Variants in SMAGP observed in about 807,000 individuals in gnomAD.
SMAGP encodes small cell adhesion glycoprotein, also known as small cell transmembrane and glycosylated protein.
Under a neutral mutation model 10.1 loss-of-function variants are expected in SMAGP, and 7 were observed. That is an observed-to-expected ratio of 0.70 (90% CI 0.40 to 1.31). The LOEUF (loss-of-function observed/expected upper bound fraction) is 1.31, where lower values mean the gene tolerates loss of function less well. SMAGP is among the 50% of genes most tolerant of loss of function. The pLI is 0.01. For synonymous variants in SMAGP, 49 were observed against 47.2 expected (o/e 1.04, Z -0.16); for missense variants, 113 against 116.5 (o/e 0.97, Z 0.14).
At chr12:51,258,720 T>A (rs1944907072) in intron 2 of SMAGP, among the ~76,000 whole-genome samples, 1 of 152,108 alleles carries the variant, frequency 6.6e-6, no homozygotes, top group South Asian at 2.1e-4. Context: ...GTGATGCCAG[T>A]CTAGACAGAG....
chr12:51,256,925 A>G (rs558138485), intron 2 of SMAGP, among the ~76,000 whole-genome samples: 1 of 152,250 alleles, frequency 6.6e-6, no homozygotes, highest in East Asian at 1.9e-4. Flanking sequence ...ACTGGGGAGT[A>G]GCAGCCAAAC....
Position 51,246,914 on chromosome 12 carries a change from CCCCACCTTCTT to C in SMAGP, c.35-94_35-84del, listed in dbSNP as rs1256837802. On this transcript the variant is annotated intron_variant, in intron 2 of 3. Transcript: ENST00000603798. The stretch of plus-strand genomic sequence containing the variant: ...TATGTTTGGCCTTCAAATTTCACCA[CCCCACCTTCTT>C]CCCTATTCAAAAGTTTATCATTTAA... The C allele has an allele frequency of 5.2e-5, 49 of 941,044 alleles. 1 individual carries two copies. In the South Asian group the frequency reaches 8.7e-4, roughly 17 times the overall value. The allele number at this position is 941,044 out of a possible 1,614,324, so 58.3% of individuals were successfully genotyped here. A position where few individuals can be genotyped will look rare whatever the true frequency, so the allele number is the denominator to read the frequency against.
intron 2 of SMAGP, among the ~76,000 whole-genome samples, chr12:51,258,255 G>T (rs1944902644): frequency 6.6e-6 from 1 of 152,184 alleles, no homozygotes; most frequent in Non-Finnish European, 1.5e-5. Context: ...TGAAGGTGCT[G>T]CAAGAGTAAA....
intron 1 of SMAGP, chr12:51,269,864 C>G (rs949896753): frequency 6.6e-6 from 1 of 152,240 alleles, no homozygotes; most frequent in Non-Finnish European, 1.5e-5. Context: ...TGGCCGCCCC[C>G]TCCGGGCCTG....
intron 2 of SMAGP, among the ~76,000 whole-genome samples, chr12:51,265,905 A>T (rs1462652155): frequency 6.6e-6 from 1 of 152,072 alleles, no homozygotes; most frequent in African/African-American, 2.4e-5. Context: ...ACACGGTGAA[A>T]CCCCGTCTCT....
intron 1 of SMAGP, 89 bp downstream of exon 1, chr12:51,270,167 C>T (rs1945017918): frequency 2.0e-5 from 3 of 152,412 alleles, no homozygotes; most frequent in South Asian, 4.1e-4. Context: ...TCGGCCGCTC[C>T]GGGTTTCGGT....
chr12:51,259,834 C>T (rs1405828341), intron 2 of SMAGP, among the ~76,000 whole-genome samples: 5 of 152,144 alleles, frequency 3.3e-5, no homozygotes, highest in African/African-American at 4.8e-5. Context: ...CCACCTCAGC[C>T]TCCTGAGTAG....
chr12:51,269,496 G>A (rs894404409), intron 1 of SMAGP, 180 bp from the exon 2 acceptor site: 1 of 580,004 alleles, frequency 1.7e-6, no homozygotes, highest in African/African-American at 1.9e-5. Flanking sequence ...GCTCTCCACA[G>A]GAGCAGGTCT....
chr12:51,246,158 T>C, intron 3 of SMAGP, 39 bp from the exon 4 acceptor site: 1 of 1,608,750 alleles, frequency 6.2e-7, no homozygotes, highest in South Asian at 1.1e-5. Flanking sequence ...TGTTTCAGGA[T>C]TGAGGATGTC....
At chr12:51,262,396 C>A (rs1414745489) in intron 2 of SMAGP, among the ~76,000 whole-genome samples, 1 of 152,130 alleles carries the variant, frequency 6.6e-6, no homozygotes, top group East Asian at 1.9e-4. Context: ...GGGAGGATCA[C>A]CTGAGTCTGG....
chr12:51,245,833 C>T lies in SMAGP; in HGVS notation c.*108G>A, dbSNP rs995497368. 9.2e-6 allele frequency: 12 copies of T among 1,308,042 alleles called. No homozygotes were observed. The highest frequency in any genetic ancestry group is 3.0e-5 in the African/African-American group (2 of 67,774). 81.0% of individuals were successfully genotyped at this position (1,308,042 alleles called of 1,614,324 possible). ...CGACCTGGCTGGAGCTTGGATTTGC[C>T]CACATCAATCAATGCTTCTCCCTGG... On this transcript the variant is annotated 3_prime_UTR_variant, in exon 4 of 4. Transcript: ENST00000603798.
intron 2 of SMAGP, among the ~76,000 whole-genome samples, chr12:51,247,422 C>A (rs973613492): frequency 1.3e-5 from 2 of 152,100 alleles, no homozygotes; most frequent in African/African-American, 4.8e-5. Flanking sequence ...ATAGGCCCTG[C>A]AATTTGAAAG....
chr12:51,266,468 GA>G (rs35554559), intron 2 of SMAGP, among the ~76,000 whole-genome samples: 5,379 of 142,668 alleles, frequency 0.038, 118 homozygotes, highest in East Asian at 0.11. Context: ...CTTGACTTAA[GA>G]AAAAAAAAAA....
intron 3 of SMAGP, 62 bp downstream of exon 3, chr12:51,246,689 C>T (rs1281951923): frequency 3.7e-6 from 5 of 1,343,528 alleles, no homozygotes; most frequent in South Asian, 1.5e-5. Flanking sequence ...TGGTCAGGCT[C>T]CCTCTGGAGA....
intron 2 of SMAGP, among the ~76,000 whole-genome samples, chr12:51,265,509 C>T (rs528649809): frequency 6.6e-6 from 1 of 152,268 alleles, no homozygotes; most frequent in African/African-American, 2.4e-5. Context: ...ATGTAATATA[C>T]ACATACAACA....
At chr12:51,267,433 C>T (rs1214063966) in intron 2 of SMAGP, among the ~76,000 whole-genome samples, 1 of 151,842 alleles carries the variant, frequency 6.6e-6, no homozygotes, top group Non-Finnish European at 1.5e-5. Flanking sequence ...AGATCCCCTT[C>T]CTCACCCACC....
intron 2 of SMAGP, among the ~76,000 whole-genome samples, chr12:51,267,666 A>G (rs1481168537): frequency 1.3e-5 from 2 of 151,578 alleles, no homozygotes; most frequent in Non-Finnish European, 2.9e-5. Flanking sequence ...GCTAATTTTT[A>G]AATTTTTTTG....
chr12:51,269,383 C>T, intron 1 of SMAGP, 67 bp from the exon 2 acceptor site: 3 of 1,271,218 alleles, frequency 2.4e-6, no homozygotes, highest in Non-Finnish European at 3.4e-6. Context: ...TCCTGGAAGT[C>T]CCAGGAAAGC....
At chr12:51,260,961 C>T (rs1297287576) in intron 2 of SMAGP, among the ~76,000 whole-genome samples, 1 of 151,488 alleles carries the variant, frequency 6.6e-6, no homozygotes, top group Non-Finnish European at 1.5e-5. Flanking sequence ...GCTGGGATTA[C>T]AGTATTTTTA....
Sources: allele counts gnomAD v4.1 joint callset (sites outside exome capture counted in the v4.1 genomes callset), GRCh38; gene constraint gnomAD v4.1.1; transcripts MANE v1.5; gene names NCBI Gene and HGNC (gene_info 2026-07-23, HGNC 2026-07-21).